The following MAML2 variants were observed in gnomAD, a reference collection of about 807,000 sequenced individuals.
MAML2 encodes mastermind like transcriptional coactivator 2.
Under a neutral mutation model 96.1 loss-of-function variants are expected in MAML2, and 22 were observed. The ratio of observed to expected loss-of-function variants is 0.23; its 90% CI spans 0.16 to 0.33. The LOEUF is 0.33. Among genes scored for constraint, MAML2 ranks in the 10% least tolerant of loss-of-function variants. The pLI, the probability that MAML2 is intolerant of heterozygous loss-of-function variation, is 1.00. For missense variants in MAML2, 1,367 were observed against 1,392.4 expected (o/e 0.98, Z 0.29); for synonymous variants, 561 against 521.3 (o/e 1.08, Z -1.04).
At chr11:96,136,424 T>C (rs1860633611) in intron 1 of MAML2, among the ~76,000 whole-genome samples, 1 of 151,826 alleles carries the variant, frequency 6.6e-6, no homozygotes, top group South Asian at 2.1e-4. Context: ...TTATCACAAA[T>C]GTCTATTTAG....
At chr11:96,145,705 G>A (rs964417075) in intron 1 of MAML2, among the ~76,000 whole-genome samples, 13 of 152,116 alleles carry the variant, frequency 8.5e-5, no homozygotes, top group African/African-American at 2.4e-4. Context: ...ATGTGTGAGG[G>A]CTTTTAAAAA....
intron 1 of MAML2, among the ~76,000 whole-genome samples, chr11:96,294,862 G>A (rs1299992532): frequency 6.6e-6 from 1 of 152,166 alleles, no homozygotes; most frequent in African/African-American, 2.4e-5. Flanking sequence ...GCTGCTAAGT[G>A]GCAGCATGGG....
At chr11:96,083,842 A>G (rs1170007119) in intron 2 of MAML2, among the ~76,000 whole-genome samples, 1 of 152,170 alleles carries the variant, frequency 6.6e-6, no homozygotes, top group Non-Finnish European at 1.5e-5. Flanking sequence ...CACAAGAACA[A>G]AGATATATGA....
chr11:96,125,644 G>A (rs553345434), intron 1 of MAML2, among the ~76,000 whole-genome samples: 28 of 152,278 alleles, frequency 1.8e-4, no homozygotes, highest in African/African-American at 5.8e-4. Context: ...TGAACGGTTC[G>A]TGTTATTTAT....
At chr11:96,299,860 C>A (rs1051194367) in intron 1 of MAML2, among the ~76,000 whole-genome samples, 5 of 152,168 alleles carry the variant, frequency 3.3e-5, no homozygotes, top group Non-Finnish European at 7.3e-5. Context: ...CTGAAATCCT[C>A]AAAGTCCACT....
intron 1 of MAML2, among the ~76,000 whole-genome samples, chr11:96,245,521 G>A (rs553694142): frequency 4.4e-4 from 67 of 151,992 alleles, no homozygotes; most frequent in Admixed American, 7.2e-4. Flanking sequence ...TGAGTATACA[G>A]GGCAAAAGCT....
intron 2 of MAML2, among the ~76,000 whole-genome samples, chr11:96,022,033 G>A (rs1275778549): frequency 6.6e-6 from 1 of 152,146 alleles, no homozygotes; most frequent in Non-Finnish European, 1.5e-5. Flanking sequence ...TGACTAAGCT[G>A]GGGTCTCTGT....
intron 1 of MAML2, among the ~76,000 whole-genome samples, chr11:96,313,741 G>A (rs1863586313): frequency 6.6e-6 from 1 of 152,102 alleles, no homozygotes; most frequent in African/African-American, 2.4e-5. Context: ...GGTGTTTTTA[G>A]GAAGTGATCT....
At chr11:96,192,250 G>T (rs769360276) in intron 1 of MAML2, among the ~76,000 whole-genome samples, 3 of 152,298 alleles carry the variant, frequency 2.0e-5, no homozygotes, top group East Asian at 1.9e-4. Context: ...GTGGTTTCTG[G>T]GAAGAATGCG....
intron 1 of MAML2, among the ~76,000 whole-genome samples, chr11:96,254,458 T>G (rs1862633755): frequency 6.6e-6 from 1 of 150,544 alleles, no homozygotes; most frequent in African/African-American, 2.4e-5. Flanking sequence ...GTAGTTCAAG[T>G]AAGTGAAGTA....
In MAML2 at chr11:95,979,499, T is replaced by C. The variant is rs757286088; in HGVS notation, c.2920A>G (p.Lys974Glu). The C allele has an allele frequency of 3.7e-6, 6 of 1,613,764 alleles. No homozygotes were observed. Among genetic ancestry groups the C allele is most frequent in the Non-Finnish European group, 5.1e-6 (6 of 1,179,820 alleles). ...GCAGACGTCAGGGCTTCTTGCTGTT[T>C]GCTTGTTCCTTCTTGAGAGGCCCAG... ...PNWASQEGTS[K>E]QQEALTSAGV... Residue 974 changes from lysine (K) to glutamate (E), a missense_variant, in exon 5 of 5, where the codon AAA becomes GAA. Coordinates refer to ENST00000524717, the MANE Select transcript of MAML2 (RefSeq NM_032427.4).
chr11:95,989,638 A>G (rs1857880378), intron 3 of MAML2, among the ~76,000 whole-genome samples: 1 of 148,336 alleles, frequency 6.7e-6, no homozygotes, highest in African/African-American at 2.6e-5. Context: ...TTTAGCTTAT[A>G]AGGATAAAAA....
chr11:96,038,581 T>C (rs764377372), intron 2 of MAML2, among the ~76,000 whole-genome samples: 2 of 152,278 alleles, frequency 1.3e-5, no homozygotes, highest in African/African-American at 2.4e-5. Flanking sequence ...GAGACCCATA[T>C]ACCAAGCTTG....
At chr11:96,167,043 T>G (rs1235919575) in intron 1 of MAML2, among the ~76,000 whole-genome samples, 1 of 152,214 alleles carries the variant, frequency 6.6e-6, no homozygotes, top group Non-Finnish European at 1.5e-5. Flanking sequence ...AATAAATGCC[T>G]GCTGGGAATT....
intron 1 of MAML2, among the ~76,000 whole-genome samples, chr11:96,334,548 C>T (rs1863892635): frequency 6.6e-6 from 1 of 152,170 alleles, no homozygotes. Flanking sequence ...TGCTTCTTTG[C>T]CTCCTTACAC....
intron 1 of MAML2, among the ~76,000 whole-genome samples, chr11:96,307,951 G>C (rs1863487382): frequency 6.6e-6 from 1 of 152,196 alleles, no homozygotes; most frequent in Admixed American, 6.5e-5. Flanking sequence ...GGGAAAGGAA[G>C]AGGAGGGTGG....
At chr11:96,164,688 C>A (rs531686) in intron 1 of MAML2, among the ~76,000 whole-genome samples, 17,769 of 152,190 alleles carry the variant, frequency 0.12, 1,305 homozygotes, top group East Asian at 0.25. Flanking sequence ...AAAAACCACC[C>A]TATCGTGATC....
intron 1 of MAML2, among the ~76,000 whole-genome samples, chr11:96,189,069 GTTTTT>G (rs765549492): frequency 2.0e-5 from 2 of 100,128 alleles, no homozygotes; most frequent in Non-Finnish European, 4.7e-5. Flanking sequence ...AAACTGTTTT[GTTTTT>G]TTTTTTCTAT....
intron 1 of MAML2, among the ~76,000 whole-genome samples, chr11:96,188,204 C>A (rs749428461): frequency 5.3e-5 from 8 of 152,184 alleles, no homozygotes; most frequent in Non-Finnish European, 8.8e-5. Flanking sequence ...ATGTTTGAAA[C>A]CTTAGGTTTC....
Sources: allele counts gnomAD v4.1 joint callset (sites outside exome capture counted in the v4.1 genomes callset), GRCh38; gene constraint gnomAD v4.1.1; transcripts MANE v1.5; gene names NCBI Gene and HGNC (gene_info 2026-07-23, HGNC 2026-07-21).